Variants in TBK1 observed in about 807,000 individuals in gnomAD.
TBK1 encodes serine/threonine-protein kinase TBK1.
In TBK1, 37 loss-of-function variants were observed where a neutral mutation model predicts 99.9. The observed-to-expected ratio is 0.37, with a 90% confidence interval of 0.28 to 0.49. The LOEUF is 0.49. Ranked by LOEUF, TBK1 falls within the 20% of genes least tolerant of loss-of-function variation. The pLI, the probability that TBK1 is intolerant of heterozygous loss-of-function variation, is 0.98. For missense variants in TBK1, 644 were observed against 872.5 expected, an observed-to-expected ratio of 0.74 and a Z score of 3.30; for synonymous variants, 258 against 279.8, an observed-to-expected ratio of 0.92 and a Z score of 0.78.
chr12:64,483,116 C>T (rs1454617339), intron 8 of TBK1, among the ~76,000 whole-genome samples: 1 of 152,192 alleles, frequency 6.6e-6, no homozygotes, highest in African/African-American at 2.4e-5. Context: ...TTAATAATAA[C>T]TTAATTGTAC....
Position 64,474,143 on chromosome 12 carries a change from A to C in TBK1, c.541-87A>C, listed in dbSNP as rs564064306. ...GAAGTTATTAGGAAAACAAAATAGA[A>C]TTTCTAAGCATTATTGAGTATCCAT... is the stretch of plus-strand genomic sequence containing the variant. On this transcript the variant is annotated intron_variant, in intron 5 of 20. Transcript: ENST00000331710. 9.9e-5 allele frequency: 124 copies of C among 1,249,566 alleles called. No individual in the cohort carries two copies. In the African/African-American group the frequency reaches 1.7e-3, roughly 17 times the overall value. 77.4% of individuals were successfully genotyped at this position (1,249,566 alleles called of 1,614,324 possible).
chr12:64,495,388 A>T lies in TBK1; in HGVS notation c.1522-95A>T, dbSNP rs2040915023. The T allele has an allele frequency of 3.4e-6, 5 of 1,463,336 alleles. No individual in the cohort carries two copies. In the South Asian group the frequency reaches 6.9e-5, roughly 20 times the overall value. 90.6% of individuals were successfully genotyped at this position (1,463,336 alleles called of 1,614,324 possible). A position where few individuals can be genotyped will look rare whatever the true frequency, so the allele number is the denominator to read the frequency against. ...GTGCCTTTGAATTGAAGTAATCTACAAAAGAAATGTGGTCCAGACTTTAGA... is the reference window on the plus strand; with the variant it reads ...GTGCCTTTGAATTGAAGTAATCTACTAAAGAAATGTGGTCCAGACTTTAGA... On this transcript the variant is annotated intron_variant, in intron 13 of 20. Transcript: ENST00000331710.
intron 11 of TBK1, among the ~76,000 whole-genome samples, chr12:64,486,970 T>G (rs1192868744): frequency 6.6e-6 from 1 of 152,132 alleles, no homozygotes; most frequent in African/African-American, 2.4e-5. Context: ...TTATACAATA[T>G]GAATATATAA....
At chr12:64,480,684 G>T (rs1031019749) in intron 7 of TBK1, among the ~76,000 whole-genome samples, 1 of 152,078 alleles carries the variant, frequency 6.6e-6, no homozygotes, top group Non-Finnish European at 1.5e-5. Flanking sequence ...CACAAAGAAA[G>T]AATTAAGGTA....
intron 11 of TBK1, among the ~76,000 whole-genome samples, chr12:64,487,561 A>T (rs1238215047): frequency 6.6e-6 from 1 of 151,978 alleles, no homozygotes; most frequent in Non-Finnish European, 1.5e-5. Context: ...TTCTGGAAAA[A>T]TCTCTGTGTA....
intron 8 of TBK1, 37 bp from the exon 9 acceptor site, chr12:64,484,266 C>A (rs769081207): frequency 1.4e-6 from 2 of 1,406,478 alleles, no homozygotes; most frequent in Admixed American, 2.1e-5. Context: ...TCACTTTATC[C>A]CCAGTTATAG....
At chr12:64,467,426 A>ATATC (rs1330854885) in intron 5 of TBK1, among the ~76,000 whole-genome samples, 5 of 152,248 alleles carry the variant, frequency 3.3e-5, no homozygotes, top group Admixed American at 2.0e-4. Context: ...TATGAAACAG[A>ATATC]TAATTCTATT....
At chr12:64,483,028 T>C (rs533706092) in intron 8 of TBK1, among the ~76,000 whole-genome samples, 27 of 152,342 alleles carry the variant, frequency 1.8e-4, no homozygotes, top group African/African-American at 6.5e-4. Flanking sequence ...GGTGTCTCTC[T>C]TCATCATTTC....
chr12:64,487,810 A>G (rs995386356), intron 11 of TBK1, among the ~76,000 whole-genome samples: 1 of 152,218 alleles, frequency 6.6e-6, no homozygotes, highest in Non-Finnish European at 1.5e-5. Context: ...GGGCCATACA[A>G]AAAGCAGGCC....
intron 13 of TBK1, among the ~76,000 whole-genome samples, chr12:64,494,414 A>T (rs765660168): frequency 6.6e-6 from 1 of 152,158 alleles, no homozygotes; most frequent in Admixed American, 6.5e-5. Flanking sequence ...CAGGAGGCAG[A>T]GGTTGCGGGA....
intron 16 of TBK1, 117 bp downstream of exon 16, chr12:64,496,523 AT>A: frequency 1.9e-6 from 1 of 516,796 alleles, no homozygotes; most frequent in Non-Finnish European, 3.2e-6. Flanking sequence ...TTTAATCTTG[AT>A]TTTACAGGAT....
intron 18 of TBK1, 95 bp downstream of exon 18, chr12:64,497,354 C>A: frequency 1.1e-6 from 1 of 890,166 alleles, no homozygotes; most frequent in Non-Finnish European, 1.7e-6. Context: ...TGCCTACATT[C>A]AGTTCCACCC....
chr12:64,499,058 T>TCC (rs1555205640), intron 20 of TBK1, among the ~76,000 whole-genome samples: 1 of 133,234 alleles, frequency 7.5e-6, no homozygotes, highest in Non-Finnish European at 1.6e-5. Flanking sequence ...TTTTTTTTTT[T>TCC]CCCCCGAGAC....
intron 13 of TBK1, among the ~76,000 whole-genome samples, chr12:64,492,799 T>C (rs1029696476): frequency 1.3e-5 from 2 of 151,708 alleles, no homozygotes; most frequent in Non-Finnish European, 2.9e-5. Context: ...CTCGGCTCAC[T>C]GCTACCTCCA....
In TBK1 at chr12:64,488,511, T is replaced by C. The variant is rs2040839407; in HGVS notation, c.1365T>C (p.Asn455=). ...WLIELIKDDY[N]ETVHKKTEVV... ...GTGAATTAATTAAAGATGATTACAA[T>C]GAAACTGTTCACAAAAAGACAGAAG... Residue 455 remains asparagine, a synonymous_variant, in exon 12 of 21, where the codon AAT becomes AAC. Transcript: ENST00000331710. The C allele has an allele frequency of 1.3e-6, 2 of 1,597,688 alleles. No individual in the cohort carries two copies. Among genetic ancestry groups the C allele is most frequent in the Non-Finnish European group, 1.7e-6 (2 of 1,173,876 alleles).
At chr12:64,488,281 A>C (rs1366240847) in intron 11 of TBK1, among the ~76,000 whole-genome samples, 2 of 152,248 alleles carry the variant, frequency 1.3e-5, no homozygotes, top group Admixed American at 6.5e-5. Context: ...TAACCTAAGT[A>C]GTAATGGTTT....
At chr12:64,477,860 A>C (rs1463443012) in intron 6 of TBK1, among the ~76,000 whole-genome samples, 1 of 151,754 alleles carries the variant, frequency 6.6e-6, no homozygotes, top group African/African-American at 2.4e-5. Context: ...ATTATGAAAT[A>C]ATTACTGTGT....
At chr12:64,455,186 G>A (rs1244843542) in intron 1 of TBK1, among the ~76,000 whole-genome samples, 1 of 151,006 alleles carries the variant, frequency 6.6e-6, no homozygotes, top group South Asian at 2.1e-4. Context: ...GGGTTTTGCC[G>A]TGTTAGCCAA....
chr12:64,455,242 T>C (rs2040474344), intron 1 of TBK1, among the ~76,000 whole-genome samples: 1 of 152,116 alleles, frequency 6.6e-6, no homozygotes, highest in African/African-American at 2.4e-5. Context: ...TGCCTCGGCC[T>C]CCAAAAGTGC....
Sources: allele counts gnomAD v4.1 joint callset (sites outside exome capture counted in the v4.1 genomes callset), GRCh38; gene constraint gnomAD v4.1.1; transcripts MANE v1.5; gene names NCBI Gene and HGNC (gene_info 2026-07-23, HGNC 2026-07-21).